AHDC1: variants seen among roughly 807,000 people sequenced by gnomAD.
AHDC1 encodes the protein transcription factor Gibbin.
In AHDC1, 7 loss-of-function variants were observed where a neutral mutation model predicts 87.9. The observed-to-expected ratio is 0.08, with a 90% CI of 0.05 to 0.15. AHDC1 has a LOEUF of 0.15. Among genes scored for constraint, AHDC1 ranks in the 10% least tolerant of loss-of-function variants. The probability of loss-of-function intolerance (pLI) is 1.00; values close to 1 mark genes in which losing one functional copy is unlikely to be tolerated. For missense variants in AHDC1, 1,841 were observed against 2,253.2 expected (o/e 0.82, Z 3.70); for synonymous variants, 1,051 against 1,006.8 (o/e 1.04, Z -0.83).
At position 27,561,527 on chromosome 1, in the gene AHDC1, G is replaced by A. The variant is rs1046619356; in HGVS notation, c.-628-2644C>T. ...GGGAACACAGCAAGGAGGGGTGCAG[G>A]GGCTGGGCTGGGACTAAGGCTCCCT... On this transcript the variant is annotated intron_variant, in intron 3 of 8. Coordinates refer to ENST00000673934, the MANE Select transcript of AHDC1 (RefSeq NM_001371928.1). The surrounding 1 kb of genome is among the most constrained non-coding windows in gnomAD (Gnocchi z 4.2). 1.3e-5 allele frequency among the ~76,000 whole-genome samples: 2 copies of A among 152,192 alleles called. No individual in the cohort carries two copies. Among genetic ancestry groups the A allele is most frequent in the Non-Finnish European group, 2.9e-5 (2 of 68,032 alleles).
chr1:27,603,143 A>ACCCCCCCCCCCCCCCCCCCCCCCCCC (rs1156376060), intron 3 of AHDC1, among the ~76,000 whole-genome samples: 3 of 110,424 alleles, frequency 2.7e-5, no homozygotes, highest in Admixed American at 8.5e-5. Flanking sequence ...AAACCCGAGA[A>ACCCCCCCCCCCCCCCCCCCCCCCCCC]CCCCCCCTCC....
chr1:27,570,457 G>T (rs2020517599), intron 3 of AHDC1, among the ~76,000 whole-genome samples: 2 of 152,070 alleles, frequency 1.3e-5, no homozygotes, highest in South Asian at 4.1e-4. Flanking sequence ...GCTGGGCAAA[G>T]AACCAAGTTT....
chr1:27,588,210 G>C (rs1423766985), intron 3 of AHDC1, among the ~76,000 whole-genome samples: 1 of 152,150 alleles, frequency 6.6e-6, no homozygotes, highest in East Asian at 1.9e-4. Flanking sequence ...CCCACTGCCT[G>C]GAACACCCTT....
rs374944838 is a variant in AHDC1, at chr1:27,590,556, A to G, written c.-629+12841T>C. 2.0e-5 allele frequency among the ~76,000 whole-genome samples: 3 copies of G among 152,082 alleles called. No homozygotes were observed. Among genetic ancestry groups the G allele is most frequent in the East Asian group, 3.9e-4 (2 of 5,156 alleles). ...TCACCTCCAAGTCCGAGGGCTCTCA[A>G]GGTGAGTGTTTTGCTTCTCTCAGAC... On this transcript the variant is annotated intron_variant, in intron 3 of 8. Transcript: ENST00000673934. The surrounding 1 kb of genome is among the most constrained non-coding windows in gnomAD (Gnocchi z 5.4).
intron 3 of AHDC1, among the ~76,000 whole-genome samples, chr1:27,584,860 C>A (rs2089005026): frequency 1.3e-5 from 2 of 152,090 alleles, no homozygotes; most frequent in South Asian, 4.1e-4. Flanking sequence ...GGGCTCCCAT[C>A]TCCTACTTAG....
chr1:27,549,517 C>A lies in AHDC1; in HGVS notation c.2599G>T (p.Ala867Ser), dbSNP rs368506844. Residue 867 changes from alanine (A) to serine (S), a missense_variant, in exon 8 of 9, where the codon GCA becomes TCA. This residue lies in a region of AHDC1 where 378 missense variants were observed against 399.0 expected (regional missense o/e 0.95). Transcript: ENST00000673934. ...GGTGGCCCTGCATAGGTGCCCGATGCCTTCCGGGACTCTGGGCGAGAGGCT... is the reference window on the plus strand; with the variant it reads ...GGTGGCCCTGCATAGGTGCCCGATGACTTCCGGGACTCTGGGCGAGAGGCT... ...LSASRPESRK[A>S]SGTYAGPPTS... 6.2e-7 allele frequency: 1 copy of A among 1,613,288 alleles called. No individual in the cohort carries two copies. Among genetic ancestry groups the A allele is most frequent in the African/African-American group, 1.3e-5 (1 of 75,042 alleles).
intron 8 of AHDC1, among the ~76,000 whole-genome samples, chr1:27,545,568 T>C (rs1287547676): frequency 2.0e-4 from 31 of 151,302 alleles, no homozygotes; most frequent in Admixed American, 2.0e-3. Flanking sequence ...TTCTGGATTA[T>C]CCATGAGACA....
intron 8 of AHDC1, among the ~76,000 whole-genome samples, chr1:27,544,058 G>C (rs934792619): frequency 3.3e-5 from 5 of 152,182 alleles, no homozygotes; most frequent in Admixed American, 1.3e-4. Flanking sequence ...CCCAGGCTCA[G>C]GAGGGACAGT....
At chr1:27,543,067 G>A (rs1021590575) in intron 8 of AHDC1, among the ~76,000 whole-genome samples, 7 of 152,326 alleles carry the variant, frequency 4.6e-5, no homozygotes, top group Middle Eastern at 3.4e-3. Context: ...GTCCAGGCCC[G>A]GGCATGCCTG....
In AHDC1 at chr1:27,590,053, TGAG is replaced by T. The variant is rs1211467388; in HGVS notation, c.-629+13341_-629+13343del. On this transcript the variant is annotated intron_variant, in intron 3 of 8. Transcript: ENST00000673934. The surrounding 1 kb of genome is among the most constrained non-coding windows in gnomAD (Gnocchi z 5.4). The stretch of plus-strand genomic sequence containing the variant: ...CTGGGCCCCCTGCCCCACCCACTGC[TGAG>T]GAGAGCCCTGCCCTGAGATGAGAGC... 1.3e-5 allele frequency among the ~76,000 whole-genome samples: 2 copies of T among 152,250 alleles called. No homozygotes were observed. Among genetic ancestry groups the T allele is most frequent in the Non-Finnish European group, 2.9e-5 (2 of 67,966 alleles).
Position 27,552,148 on chromosome 1 carries a change from G to C in AHDC1, c.-33C>G. ...TTGTCCTCCGCAGGCCGCCGGGCGG[G>C]GCCGGGGCTGACATGAGGGTGCGAG... On this transcript the variant is annotated 5_prime_UTR_variant, in exon 8 of 9. Transcript: ENST00000673934. The C allele has an allele frequency of 2.1e-6, 3 of 1,437,388 alleles. No homozygotes were observed. In the East Asian group the frequency reaches 7.5e-5, roughly 36 times the overall value. The allele number at this position is 1,437,388 out of a possible 1,614,324, so 89.0% of individuals were successfully genotyped here. A position where few individuals can be genotyped will look rare whatever the true frequency, so the allele number is the denominator to read the frequency against.
intron 3 of AHDC1, among the ~76,000 whole-genome samples, chr1:27,584,356 GT>G (rs2088988616): frequency 6.6e-6 from 1 of 152,134 alleles, no homozygotes; most frequent in Non-Finnish European, 1.5e-5. Context: ...AAACCTTCAT[GT>G]TTTATCTCAT....
At chr1:27,580,521 G>A (rs1025368718) in intron 3 of AHDC1, among the ~76,000 whole-genome samples, 12 of 152,078 alleles carry the variant, frequency 7.9e-5, no homozygotes, top group African/African-American at 2.7e-4. Context: ...CTGAATCCTA[G>A]AATCCTTGGC....
intron 3 of AHDC1, among the ~76,000 whole-genome samples, chr1:27,566,505 C>T (rs879469998): frequency 6.6e-6 from 1 of 151,764 alleles, no homozygotes; most frequent in Admixed American, 6.6e-5. Flanking sequence ...GGCGGAGGCA[C>T]AGAGCACCAG....
intron 3 of AHDC1, among the ~76,000 whole-genome samples, chr1:27,571,033 G>A (rs1354882928): frequency 1.3e-5 from 2 of 152,132 alleles, no homozygotes; most frequent in African/African-American, 4.8e-5. Context: ...CAAGGGGTGG[G>A]AGAGCTCCTT....
chr1:27,577,647 T>A (rs2088794120), intron 3 of AHDC1, among the ~76,000 whole-genome samples: 1 of 152,098 alleles, frequency 6.6e-6, no homozygotes, highest in Non-Finnish European at 1.5e-5. Context: ...CCCGGAAACC[T>A]GGCAGTTTAT....
chr1:27,570,655 CTT>C (rs1453342801), intron 3 of AHDC1, among the ~76,000 whole-genome samples: 1 of 152,168 alleles, frequency 6.6e-6, no homozygotes, highest in African/African-American at 2.4e-5. Flanking sequence ...ACACTCTTCT[CTT>C]TGTTTAGAAC....
At chr1:27,573,792 T>C (rs2088619154) in intron 3 of AHDC1, among the ~76,000 whole-genome samples, 4 of 152,230 alleles carry the variant, frequency 2.6e-5, no homozygotes, top group Non-Finnish European at 5.9e-5. Flanking sequence ...GCCTCTGCGA[T>C]GCATGAGTAA....
intron 8 of AHDC1, among the ~76,000 whole-genome samples, chr1:27,546,362 A>G (rs1297727000): frequency 2.6e-5 from 4 of 152,204 alleles, no homozygotes; most frequent in Non-Finnish European, 5.9e-5. Flanking sequence ...CCAAATCTTG[A>G]GAATACTAAA....
Sources: allele counts gnomAD v4.1 joint callset (sites outside exome capture counted in the v4.1 genomes callset), GRCh38; gene constraint gnomAD v4.1.1; regional missense constraint gnomAD v4.1.1; non-coding constraint Gnocchi (gnomAD v3.1); transcripts MANE v1.5; gene names NCBI Gene and HGNC (gene_info 2026-07-23, HGNC 2026-07-21).